Variants in ITGB1 observed in about 807,000 individuals in gnomAD.
ITGB1 encodes integrin beta-1.
ITGB1 carries 24 observed loss-of-function variants against 86.5 expected under a neutral mutation model. The ratio of observed to expected loss-of-function variants is 0.28; its 90% CI spans 0.20 to 0.39. The LOEUF (loss-of-function observed/expected upper bound fraction) is 0.39. ITGB1 is among the 10% of genes least tolerant of loss of function. The pLI, the probability that ITGB1 is intolerant of heterozygous loss-of-function variation, is 1.00. For synonymous variants in ITGB1, 323 were observed against 316.8 expected (o/e 1.02, Z -0.21); for missense variants, 556 against 946.9 (o/e 0.59, Z 5.42).
intron 15 of ITGB1, among the ~76,000 whole-genome samples, chr10:32,905,074 G>A (rs958904518): frequency 2.0e-5 from 3 of 150,664 alleles, no homozygotes; most frequent in African/African-American, 4.9e-5. Context: ...CAATGTCATT[G>A]GCTAATCAGT....
chr10:32,923,390 AG>A (rs1185325486), intron 7 of ITGB1, among the ~76,000 whole-genome samples, 194 bp downstream of exon 7: 3 of 152,172 alleles, frequency 2.0e-5, no homozygotes, highest in Admixed American at 6.5e-5. Context: ...TCTGAGCAGA[AG>A]GAAGCAAATA....
chr10:32,938,944 G>A (rs372891837), intron 1 of ITGB1, among the ~76,000 whole-genome samples: 4 of 152,154 alleles, frequency 2.6e-5, no homozygotes, highest in African/African-American at 9.7e-5. Context: ...GAGGGCCAGG[G>A]AGCCTCGCTT....
intron 1 of ITGB1, among the ~76,000 whole-genome samples, chr10:32,956,062 C>G (rs893347852): frequency 2.6e-5 from 4 of 152,174 alleles, no homozygotes; most frequent in Non-Finnish European, 5.9e-5. Flanking sequence ...CCTTCATACT[C>G]AATTTTGGGA....
chr10:32,906,890 A>G (rs1445055172), intron 15 of ITGB1, among the ~76,000 whole-genome samples: 3 of 152,204 alleles, frequency 2.0e-5, no homozygotes, highest in Non-Finnish European at 4.4e-5. Context: ...ATATCACATT[A>G]CTTATTTTAC....
chr10:32,933,568 G>A (rs2094991031), intron 2 of ITGB1: 3 of 152,176 alleles, frequency 2.0e-5, no homozygotes, highest in Admixed American at 1.3e-4. Context: ...ACCAGCATAT[G>A]CTTCTTATAG....
chr10:32,942,199 T>C (rs561132772), intron 1 of ITGB1, among the ~76,000 whole-genome samples: 2 of 152,272 alleles, frequency 1.3e-5, no homozygotes, highest in African/African-American at 4.8e-5. Flanking sequence ...AGGGGGTGGA[T>C]CACCCTAAAC....
chr10:32,926,780 C>T (rs560809021), intron 5 of ITGB1, among the ~76,000 whole-genome samples: 2 of 152,198 alleles, frequency 1.3e-5, no homozygotes, highest in African/African-American at 4.8e-5. Flanking sequence ...TCAAAGAAGC[C>T]CCAGAGAGCT....
Position 32,925,882 on chromosome 10 carries a change from C to A in ITGB1, c.775G>T (p.Ala259Ser). 5 of 1,605,250 alleles carry A rather than the reference C, an allele frequency of 3.1e-6. No individual in the cohort carries two copies. Among genetic ancestry groups the A allele is most frequent in the Non-Finnish European group, 2.6e-6 (3 of 1,171,892 alleles). Reference sequence around the variant, plus strand: ...ATGAATGCGCTTACTCCACAAACTGCAACTTGCATGATGGCATCGAAACCA... The same window carrying A: ...ATGAATGCGCTTACTCCACAAACTGAAACTTGCATGATGGCATCGAAACCA... ...EGGFDAIMQV[A>S]VCGSLIGWRN... is the part of the protein sequence containing the mutation. Residue 259 changes from alanine (A) to serine (S), a missense_variant, in exon 6 of 16, where the codon GCA becomes TCA. Around this residue, in one of 4 missense-constraint regions of ITGB1, gnomAD observed 25 missense variants for 76.3 expected, o/e 0.33. Coordinates refer to ENST00000302278, the MANE Select transcript of ITGB1 (RefSeq NM_002211.4).
At chr10:32,908,255 A>C in intron 15 of ITGB1, 113 bp downstream of exon 15, 1 of 1,046,370 alleles carries the variant, frequency 9.6e-7, no homozygotes, top group Non-Finnish European at 1.5e-6. Context: ...TTTTGGGGGA[A>C]TAAAATACTT....
At chr10:32,942,759 A>G (rs2095022080) in intron 1 of ITGB1, among the ~76,000 whole-genome samples, 1 of 148,674 alleles carries the variant, frequency 6.7e-6, no homozygotes, top group Non-Finnish European at 1.5e-5. Flanking sequence ...ATCACATCTC[A>G]CTGCAGCCTC....
chr10:32,912,442 C>G (rs1457927057), intron 11 of ITGB1, among the ~76,000 whole-genome samples: 1 of 152,216 alleles, frequency 6.6e-6, no homozygotes, highest in African/African-American at 2.4e-5. Context: ...CACTCCCACA[C>G]TAATACTGCG....
Position 32,920,303 on chromosome 10 carries a change from C to T in ITGB1, c.1211G>A (p.Gly404Glu). Reference protein sequence around the residue: ...TISYKSYCKNGVNGTGENGRK... With the variant: ...TISYKSYCKNEVNGTGENGRK... ...TCCATTTTCCCCTGTTCCATTCACC[C>T]CGTTCTTGCAGTAAGATTTGTAACT... Residue 404 changes from glycine (G) to glutamate (E), a missense_variant, in exon 10 of 16, where the codon GGG becomes GAG. This residue lies in a region of ITGB1 where 330 missense variants were observed against 531.5 expected (regional missense o/e 0.62). Coordinates refer to ENST00000302278, the MANE Select transcript of ITGB1 (RefSeq NM_002211.4). The T allele has an allele frequency of 6.2e-7, 1 of 1,613,520 alleles. No individual in the cohort carries two copies. The highest frequency in any genetic ancestry group is 8.5e-7 in the Non-Finnish European group (1 of 1,179,610).
At position 32,929,810 on chromosome 10, in the gene ITGB1, G is replaced by A; in HGVS notation, c.376+12C>T. On this transcript the variant is annotated intron_variant, in intron 4 of 15. Coordinates refer to ENST00000302278, the MANE Select transcript of ITGB1 (RefSeq NM_002211.4). ...TAAACACGCAGGTATTCACAGAGTT[G>A]GGCTTCCATACCTGATCTTAATCGC... 6.8e-7 allele frequency: 1 copy of A among 1,464,872 alleles called. No homozygotes were observed. The highest frequency in any genetic ancestry group is 9.6e-7 in the Non-Finnish European group (1 of 1,043,940). The allele number at this position is 1,464,872 out of a possible 1,614,324, so 90.7% of individuals were successfully genotyped here.
At chr10:32,941,087 G>A (rs1362443362) in intron 1 of ITGB1, among the ~76,000 whole-genome samples, 1 of 152,206 alleles carries the variant, frequency 6.6e-6, no homozygotes, top group East Asian at 1.9e-4. Context: ...TCAGGCACAT[G>A]GCAGTGTTTC....
At chr10:32,933,913 C>A (rs1464758911) in intron 2 of ITGB1, among the ~76,000 whole-genome samples, 1 of 152,054 alleles carries the variant, frequency 6.6e-6, no homozygotes, top group African/African-American at 2.4e-5. Context: ...TAATGCTGGA[C>A]AAATTTAGAT....
intron 9 of ITGB1, 100 bp from the exon 10 acceptor site, chr10:32,920,485 T>G: frequency 9.4e-7 from 1 of 1,068,820 alleles, no homozygotes; most frequent in Non-Finnish European, 1.4e-6. Flanking sequence ...TATATTTCAA[T>G]AAAGTATCTA....
intron 12 of ITGB1, 73 bp from the exon 13 acceptor site, chr10:32,911,743 G>A: frequency 1.3e-6 from 2 of 1,525,106 alleles, no homozygotes; most frequent in Non-Finnish European, 1.8e-6. Flanking sequence ...AGTAAAATAA[G>A]CAACAACATG....
At position 32,922,735 on chromosome 10, in the gene ITGB1, C is replaced by G; in HGVS notation, c.943G>C (p.Asp315His). The change falls in exon 8 of 16, where the codon GAT (aspartate) becomes CAT (histidine). Residue 315 changes from aspartate (D) to histidine (H), a missense_variant and splice_region_variant. This residue lies in a region of ITGB1 where 330 missense variants were observed against 531.5 expected (regional missense o/e 0.62). Coordinates refer to ENST00000302278, the MANE Select transcript of ITGB1 (RefSeq NM_002211.4). The stretch of plus-strand genomic sequence containing the variant: ...ACAAGGTGAGCAATAGAAGGATAAT[C>G]CTAAGAAATCAAGTAATATAATTTA... ...NNMYTMSHYY[D>H]YPSIAHLVQK... The G allele has an allele frequency of 6.5e-7, 1 of 1,530,718 alleles. No individual in the cohort carries two copies. Among genetic ancestry groups the G allele is most frequent in the Non-Finnish European group, 9.0e-7 (1 of 1,111,330 alleles). 94.8% of individuals were successfully genotyped at this position (1,530,718 alleles called of 1,614,324 possible). A position where few individuals can be genotyped will look rare whatever the true frequency, so the allele number is the denominator to read the frequency against.
intron 9 of ITGB1, among the ~76,000 whole-genome samples, 178 bp from the exon 10 acceptor site, chr10:32,920,563 T>C (rs1196855417): frequency 6.6e-6 from 1 of 152,086 alleles, no homozygotes; most frequent in South Asian, 2.1e-4. Context: ...TTAATAAGGA[T>C]CAAATCTTTA....
Sources: allele counts gnomAD v4.1 joint callset (sites outside exome capture counted in the v4.1 genomes callset), GRCh38; gene constraint gnomAD v4.1.1; regional missense constraint gnomAD v4.1.1; transcripts MANE v1.5; gene names NCBI Gene and HGNC (gene_info 2026-07-23, HGNC 2026-07-21).